Variants in NRXN3 observed in about 807,000 individuals in gnomAD.
NRXN3 encodes the protein neurexin 3.
NRXN3 carries 32 observed loss-of-function variants against 137.6 expected under a neutral mutation model. The ratio of observed to expected loss-of-function variants is 0.23; its 90% CI spans 0.18 to 0.31. The LOEUF is 0.31. NRXN3 is among the 10% of genes least tolerant of loss of function. NRXN3 has a pLI of 1.00. For synonymous variants in NRXN3, 798 were observed against 784.5 expected (o/e 1.02, Z -0.29); for missense variants, 1,574 against 2,062.5 (o/e 0.76, Z 4.59).
intron 4 of NRXN3, among the ~76,000 whole-genome samples, chr14:78,431,466 T>C (rs572618493): frequency 4.9e-4 from 75 of 152,308 alleles, no homozygotes; most frequent in South Asian, 2.3e-3. Context: ...CAGGGAAGGT[T>C]CTGTTGATGA....
chr14:79,047,142 C>A (rs1184733957), intron 15 of NRXN3, among the ~76,000 whole-genome samples: 1 of 148,140 alleles, frequency 6.8e-6, no homozygotes, highest in African/African-American at 2.6e-5. Flanking sequence ...CGCCCCACCC[C>A]CGAAAAAAAA....
chr14:78,883,927 G>C (rs2099136123), intron 10 of NRXN3, among the ~76,000 whole-genome samples: 1 of 152,156 alleles, frequency 6.6e-6, no homozygotes, highest in Admixed American at 6.5e-5. Flanking sequence ...GGATAGATTA[G>C]TTCTTTAAAT....
chr14:78,762,914 C>T (rs1255841360), intron 8 of NRXN3, among the ~76,000 whole-genome samples: 1 of 152,144 alleles, frequency 6.6e-6, no homozygotes, highest in African/African-American at 2.4e-5. Flanking sequence ...TGAATTTAGT[C>T]TTGAGGCATG....
intron 15 of NRXN3, among the ~76,000 whole-genome samples, chr14:79,308,631 G>A (rs1039668032): frequency 6.6e-6 from 1 of 152,032 alleles, no homozygotes; most frequent in Admixed American, 6.6e-5. Context: ...TTTCCTGGCT[G>A]CCCTGTAGAT....
At chr14:78,456,805 CTTTCTTTCTT>C (rs1567644150) in intron 4 of NRXN3, among the ~76,000 whole-genome samples, 26 of 106,206 alleles carry the variant, frequency 2.4e-4, no homozygotes, top group Non-Finnish European at 4.6e-4. Context: ...TTCTCTCTTT[CTTTCTTTCTT>C]TCTTTCTTTC....
At chr14:79,186,415 A>G (rs965514929) in intron 15 of NRXN3, among the ~76,000 whole-genome samples, 1 of 152,144 alleles carries the variant, frequency 6.6e-6, no homozygotes, top group Non-Finnish European at 1.5e-5. Context: ...TTTTTTATGA[A>G]TCACCCACTA....
At chr14:78,680,066 G>A (rs1247309692) in intron 6 of NRXN3, among the ~76,000 whole-genome samples, 1 of 151,722 alleles carries the variant, frequency 6.6e-6, no homozygotes, top group African/African-American at 2.4e-5. Flanking sequence ...ATTTTATATT[G>A]TGTATATATG....
chr14:78,953,360 G>A (rs374675366), intron 10 of NRXN3, among the ~76,000 whole-genome samples: 10 of 152,134 alleles, frequency 6.6e-5, no homozygotes, highest in Non-Finnish European at 1.2e-4. Context: ...GGTTACTGTA[G>A]GATAGGTCAA....
chr14:78,395,466 A>G (rs546330824), intron 4 of NRXN3, among the ~76,000 whole-genome samples: 1 of 151,948 alleles, frequency 6.6e-6, no homozygotes, highest in Non-Finnish European at 1.5e-5. Flanking sequence ...ACTATCTTGG[A>G]AAAAAATGTG....
intron 19 of NRXN3, among the ~76,000 whole-genome samples, chr14:79,763,482 T>C (rs1379888313): frequency 1.1e-5 from 1 of 90,958 alleles, no homozygotes; most frequent in Non-Finnish European, 2.4e-5. Context: ...AACTGACTAA[T>C]GCCATTCATG....
At chr14:78,863,303 C>A (rs2099077842) in intron 10 of NRXN3, among the ~76,000 whole-genome samples, 1 of 152,126 alleles carries the variant, frequency 6.6e-6, no homozygotes, top group Admixed American at 6.6e-5. Context: ...GGTTAGGAGC[C>A]TACGTTTAGA....
At chr14:79,591,171 A>G (rs1019671259) in intron 16 of NRXN3, among the ~76,000 whole-genome samples, 8 of 152,230 alleles carry the variant, frequency 5.3e-5, no homozygotes, top group Non-Finnish European at 1.0e-4. Flanking sequence ...ATTTAGATGG[A>G]AAGTATTTAT....
intron 15 of NRXN3, among the ~76,000 whole-genome samples, chr14:79,362,748 T>A (rs2093730502): frequency 1.3e-5 from 2 of 152,338 alleles, no homozygotes; most frequent in South Asian, 2.1e-4. Flanking sequence ...ATCAGTCCCA[T>A]GGCTGCTGCT....
At chr14:78,579,776 C>T (rs2096974420) in intron 4 of NRXN3, among the ~76,000 whole-genome samples, 1 of 152,096 alleles carries the variant, frequency 6.6e-6, no homozygotes, top group African/African-American at 2.4e-5. Flanking sequence ...AGTCTCATTG[C>T]CACAGTCTGC....
intron 19 of NRXN3, among the ~76,000 whole-genome samples, chr14:79,797,292 T>C (rs941250950): frequency 1.1e-4 from 16 of 152,188 alleles, no homozygotes; most frequent in African/African-American, 3.9e-4. Context: ...TGTAGTCATA[T>C]CTTGGCAAGT....
intron 20 of NRXN3, among the ~76,000 whole-genome samples, chr14:79,807,474 G>A (rs1157725181): frequency 6.6e-6 from 1 of 152,016 alleles, no homozygotes; most frequent in Non-Finnish European, 1.5e-5. Context: ...CCAGTTTATG[G>A]GTATATATTG....
intron 19 of NRXN3, among the ~76,000 whole-genome samples, chr14:79,765,665 A>G (rs2099053442): frequency 1.3e-5 from 2 of 152,184 alleles, no homozygotes; most frequent in South Asian, 4.1e-4. Context: ...AGCAAATCAC[A>G]TAGTGCCAGG....
At chr14:78,308,235 A>G (rs2077574011) in intron 4 of NRXN3, among the ~76,000 whole-genome samples, 1 of 152,122 alleles carries the variant, frequency 6.6e-6, no homozygotes, top group Non-Finnish European at 1.5e-5. Flanking sequence ...TTTGGAGCCT[A>G]TTTAAGAGTG....
intron 4 of NRXN3, among the ~76,000 whole-genome samples, chr14:78,315,603 T>G (rs2078615349): frequency 6.6e-6 from 1 of 152,220 alleles, no homozygotes; most frequent in Admixed American, 6.5e-5. Flanking sequence ...ATACGTAGAT[T>G]TTTGTTGTAG....
Sources: allele counts gnomAD v4.1 joint callset (sites outside exome capture counted in the v4.1 genomes callset), GRCh38; gene constraint gnomAD v4.1.1; transcripts MANE v1.5; gene names NCBI Gene and HGNC (gene_info 2026-07-23, HGNC 2026-07-21).